Variants in MNS1 observed in about 807,000 individuals in gnomAD.
The protein encoded by MNS1 is meiosis specific nuclear structural 1.
A neutral mutation model predicts 72.0 loss-of-function variants in MNS1; 63 were observed. That is an observed-to-expected ratio of 0.87 (90% confidence interval 0.71 to 1.08). The LOEUF is 1.08. Ranked by LOEUF, MNS1 falls within the 50% of genes least tolerant of loss-of-function variation. The probability of loss-of-function intolerance (pLI) is 0.00; values close to 1 mark genes in which losing one functional copy is unlikely to be tolerated. For missense variants in MNS1, 604 were observed against 562.4 expected, an observed-to-expected ratio of 1.07 and a Z score of -0.75; for synonymous variants, 188 against 172.1, an observed-to-expected ratio of 1.09 and a Z score of -0.72.
In MNS1 at chr15:56,456,595, T is replaced by C. The variant is rs1259196024; in HGVS notation, c.226-74A>G. On this transcript the variant is annotated intron_variant, in intron 2 of 9. Transcript: ENST00000260453. ...TTTCATCAAGGTTGAATTTGTTTTATAACAGAAAACTAAATGCCTTAAGGC... is the reference window on the plus strand; with the variant it reads ...TTTCATCAAGGTTGAATTTGTTTTACAACAGAAAACTAAATGCCTTAAGGC... 12 of 1,525,606 alleles carry C rather than the reference T, an allele frequency of 7.9e-6. No individual in the cohort carries two copies. The Admixed American group carries it at 8.6e-5, about 11-fold the overall frequency. 94.5% of individuals were successfully genotyped at this position (1,525,606 alleles called of 1,614,324 possible).
Position 56,460,009 on chromosome 15 carries a change from A to AAAAAAAAAAAAAAAAAAT in MNS1, c.226-3489_226-3488insATTTTTTTTTTTTTTTTT. Among the ~76,000 whole-genome samples, 12 of 26,386 alleles carry AAAAAAAAAAAAAAAAAAT rather than the reference A, an allele frequency of 4.5e-4. 3 individuals are homozygous for AAAAAAAAAAAAAAAAAAT. The highest frequency in any genetic ancestry group is 1.7e-3 in the Admixed American group (3 of 1,800). The allele number at this position is 26,386 out of a possible 152,430, so 17.3% of individuals were successfully genotyped here. On this transcript the variant is annotated intron_variant, in intron 2 of 9. Transcript: ENST00000260453. ...CTGTCTCAAAAAAAAAAAAAAAAAA[A>AAAAAAAAAAAAAAAAAAT]ATACATATATATATATATATATATA...
intron 7 of MNS1, among the ~76,000 whole-genome samples, chr15:56,435,021 A>G (rs144944537): frequency 3.9e-5 from 6 of 152,248 alleles, no homozygotes; most frequent in Non-Finnish European, 7.4e-5. Flanking sequence ...ACTAAAAAAT[A>G]TAATTTTACA....
At chr15:56,455,839 C>G (rs573273176) in intron 3 of MNS1, among the ~76,000 whole-genome samples, 2 of 152,152 alleles carry the variant, frequency 1.3e-5, no homozygotes, top group Non-Finnish European at 2.9e-5. Flanking sequence ...TAAGAAACAA[C>G]TGAAGGAACA....
intron 8 of MNS1, among the ~76,000 whole-genome samples, chr15:56,432,824 A>G (rs1418341310): frequency 1.3e-5 from 2 of 152,186 alleles, no homozygotes; most frequent in African/African-American, 4.8e-5. Flanking sequence ...TATTTGAAAC[A>G]TCTGCATTAT....
At chr15:56,431,808 G>C (rs1362393558) in intron 8 of MNS1, among the ~76,000 whole-genome samples, 1 of 151,824 alleles carries the variant, frequency 6.6e-6, no homozygotes, top group Non-Finnish European at 1.5e-5. Context: ...AATATTTACT[G>C]AATGCTTACC....
Position 56,429,030 on chromosome 15 carries a change from TA to T in MNS1, c.*70del. 1.0e-6 allele frequency: 1 copy of T among 991,464 alleles called. No homozygotes were observed. Among genetic ancestry groups the T allele is most frequent in the Non-Finnish European group, 1.5e-6 (1 of 675,482 alleles). The allele number at this position is 991,464 out of a possible 1,614,324, so 61.4% of individuals were successfully genotyped here. ...ATGGATACCTAATGCCACTGAACTGTAAAACAAAAGTTATGCTGACATCTAG... is the reference window on the plus strand; with the variant it reads ...ATGGATACCTAATGCCACTGAACTGTAAACAAAAGTTATGCTGACATCTAG... On this transcript the variant is annotated 3_prime_UTR_variant, in exon 10 of 10. Coordinates refer to ENST00000260453, the MANE Select transcript of MNS1 (RefSeq NM_018365.4).
chr15:56,443,812 C>G lies in MNS1; in HGVS notation c.729G>C (p.Arg243Ser). 1 of 1,608,604 alleles carries G rather than the reference C, an allele frequency of 6.2e-7. No individual in the cohort carries two copies. Among genetic ancestry groups the G allele is most frequent in the Non-Finnish European group, 8.5e-7 (1 of 1,178,202 alleles). Reference sequence around the variant, plus strand: ...GCTCTTTCTGAAACTCTTCTATATACCTTCGCATTGCATTCATTTTTTCTA... The same window carrying G: ...GCTCTTTCTGAAACTCTTCTATATAGCTTCGCATTGCATTCATTTTTTCTA... The part of the protein sequence containing the change: ...QKLEKMNAMR[R>S]YIEEFQKEQA... Residue 243 changes from arginine (R) to serine (S), a missense_variant, in exon 6 of 10, where the codon AGG becomes AGC. Coordinates refer to ENST00000260453, the MANE Select transcript of MNS1 (RefSeq NM_018365.4).
At chr15:56,432,605 A>G (rs1245456267) in intron 8 of MNS1, among the ~76,000 whole-genome samples, 1 of 152,220 alleles carries the variant, frequency 6.6e-6, no homozygotes, top group Non-Finnish European at 1.5e-5. Flanking sequence ...AATTAAGACA[A>G]AAATTATTTG....
chr15:56,450,234 T>C (rs2050938810), intron 3 of MNS1, among the ~76,000 whole-genome samples: 1 of 152,156 alleles, frequency 6.6e-6, no homozygotes, highest in East Asian at 1.9e-4. Context: ...TTTTTTTCAG[T>C]CCTATAACAT....
intron 7 of MNS1, among the ~76,000 whole-genome samples, chr15:56,439,293 T>C (rs1243234702): frequency 1.3e-5 from 2 of 152,092 alleles, no homozygotes; most frequent in East Asian, 3.8e-4. Flanking sequence ...GAGAGCCAAA[T>C]TGTGTTCATG....
intron 3 of MNS1, among the ~76,000 whole-genome samples, chr15:56,450,441 G>A (rs1449742493): frequency 6.6e-6 from 1 of 151,790 alleles, no homozygotes; most frequent in African/African-American, 2.4e-5. Context: ...CCTAACCCCT[G>A]GAATTCCTAA....
chr15:56,451,042 C>G (rs562354988), intron 3 of MNS1, among the ~76,000 whole-genome samples: 1 of 152,002 alleles, frequency 6.6e-6, no homozygotes, highest in Non-Finnish European at 1.5e-5. Context: ...TTTAGAGAAA[C>G]GTCTAAGTTC....
intron 7 of MNS1, among the ~76,000 whole-genome samples, chr15:56,437,783 T>C (rs2050753596): frequency 6.6e-6 from 1 of 152,138 alleles, no homozygotes; most frequent in Non-Finnish European, 1.5e-5. Flanking sequence ...GGATACAAAA[T>C]CAATGTACAA....
intron 7 of MNS1, 30 bp from the exon 8 acceptor site, chr15:56,434,425 T>G (rs1444796835): frequency 1.3e-6 from 2 of 1,583,056 alleles, no homozygotes; most frequent in East Asian, 4.5e-5. Context: ...GTTAATTTAG[T>G]AACTATTTCC....
chr15:56,451,921 A>G (rs890686790), intron 3 of MNS1, among the ~76,000 whole-genome samples: 5 of 152,220 alleles, frequency 3.3e-5, no homozygotes, highest in Non-Finnish European at 7.3e-5. Flanking sequence ...CACTATGGAC[A>G]GAGAAAATAC....
chr15:56,448,373 G>T (rs1233596199), intron 3 of MNS1, among the ~76,000 whole-genome samples: 1 of 152,124 alleles, frequency 6.6e-6, no homozygotes, highest in East Asian at 1.9e-4. Context: ...CAAATGGGTT[G>T]TTTTTTAACC....
At chr15:56,444,381 A>T in intron 5 of MNS1, 63 bp downstream of exon 5, 1 of 1,425,378 alleles carries the variant, frequency 7.0e-7, no homozygotes, top group Non-Finnish European at 9.5e-7. Context: ...AGTTCCTCAC[A>T]ACAAACCTGT....
intron 6 of MNS1, 25 bp from the exon 7 acceptor site, chr15:56,443,562 A>G: frequency 6.4e-7 from 1 of 1,574,170 alleles, no homozygotes; most frequent in Non-Finnish European, 8.6e-7. Context: ...AAAAAACATA[A>G]ATATTTATAG....
At chr15:56,441,810 C>T (rs112891000) in intron 7 of MNS1, among the ~76,000 whole-genome samples, 2 of 151,978 alleles carry the variant, frequency 1.3e-5, no homozygotes, top group Non-Finnish European at 2.9e-5. Flanking sequence ...GTCAGGAGAT[C>T]GAGACCATCC....
Sources: gnomAD v4.1 joint callset for allele counts (sites outside exome capture counted in the v4.1 genomes callset) on GRCh38, gnomAD v4.1.1 for gene constraint, MANE v1.5 for transcripts, NCBI Gene and HGNC (gene_info 2026-07-23, HGNC 2026-07-21) for gene names.